Variants in MMP28 observed in about 807,000 individuals in gnomAD.
The protein encoded by MMP28 is matrix metallopeptidase 28.
In MMP28, 55 loss-of-function variants were observed where a neutral mutation model predicts 60.5. The ratio of observed to expected loss-of-function variants is 0.91; its 90% confidence interval spans 0.73 to 1.14. MMP28 has a LOEUF of 1.14. Among genes scored for constraint, MMP28 ranks in the 50% most tolerant of loss-of-function variants. The pLI, the probability that MMP28 is intolerant of heterozygous loss-of-function variation, is 0.00. For missense variants in MMP28, 686 were observed against 738.3 expected, an observed-to-expected ratio of 0.93 and a Z score of 0.82; for synonymous variants, 318 against 312.5, an observed-to-expected ratio of 1.02 and a Z score of -0.18.
chr17:35,775,060 G>A lies in MMP28; in HGVS notation c.380-1656C>T, dbSNP rs1017123366. ...CTTCACAGGCAGAAGAGGGGGTGGC[G>A]GGCAGTTTTCTCATTCTAGGCCGCC... On this transcript the variant is annotated intron_variant, in intron 3 of 7. Coordinates refer to ENST00000605424, the MANE Select transcript of MMP28 (RefSeq NM_024302.5). Among the ~76,000 whole-genome samples, 13 of 152,110 alleles carry A rather than the reference G, an allele frequency of 8.5e-5. No homozygotes were observed. The East Asian group carries it at 1.5e-3, about 18-fold the overall frequency.
chr17:35,767,485 A>C (rs1222666539), intron 7 of MMP28, among the ~76,000 whole-genome samples: 1 of 152,178 alleles, frequency 6.6e-6, no homozygotes, highest in African/African-American at 2.4e-5. Flanking sequence ...CTTTCTGCTC[A>C]GTTGCAGAAC....
downstream of MMP28, chr17:35,765,785 G>C: frequency 4.4e-6 from 4 of 918,922 alleles, no homozygotes; most frequent in Non-Finnish European, 5.2e-6. Context: ...GGATGGAAGA[G>C]CATGGCCCTG....
chr17:35,767,897 A>C lies in MMP28; in HGVS notation c.1023T>G (p.Ile341Met). The change falls in exon 7 of 8, where the codon ATT becomes ATG. Residue 341 changes from isoleucine (I) to methionine (M), a missense_variant. Coordinates refer to ENST00000605424, the MANE Select transcript of MMP28 (RefSeq NM_024302.5). Reference sequence around the variant, plus strand: ...CCTCCCAGAAATGGCTCCCTTTAAAAATGTACAGTTGCTGTTGCCTGTCTG... The same window carrying C: ...CCTCCCAGAAATGGCTCCCTTTAAACATGTACAGTTGCTGTTGCCTGTCTG... ...ITVDRQQQLY[I>M]FKGSHFWEVA... The C allele has an allele frequency of 6.2e-7, 1 of 1,600,280 alleles. No homozygotes were observed. Among genetic ancestry groups the C allele is most frequent in the Non-Finnish European group, 8.5e-7 (1 of 1,173,218 alleles).
chr17:35,767,475 C>T (rs1022073836), intron 7 of MMP28, among the ~76,000 whole-genome samples: 1 of 152,068 alleles, frequency 6.6e-6, no homozygotes, highest in Non-Finnish European at 1.5e-5. Context: ...GAAGATCCAG[C>T]TTTCTGCTCA....
At chr17:35,765,540 G>A (rs573003130), downstream of MMP28, among the ~76,000 whole-genome samples, 54 of 152,356 alleles carry the variant, frequency 3.5e-4, no homozygotes, top group Admixed American at 2.6e-3. Flanking sequence ...GGAGAATGCG[G>A]CCACTGTGAG....
chr17:35,772,532 A>T (rs2086187935), intron 4 of MMP28, among the ~76,000 whole-genome samples: 2 of 152,266 alleles, frequency 1.3e-5, no homozygotes, highest in East Asian at 1.9e-4. Flanking sequence ...AGGCCATACA[A>T]GGGCTTAAGT....
downstream of MMP28, chr17:35,764,396 A>G (rs1434774951): frequency 6.0e-6 from 9 of 1,503,522 alleles, no homozygotes; most frequent in South Asian, 6.4e-5. Flanking sequence ...GGGCTGCCCC[A>G]GGCACTGAGC....
chr17:35,778,774 C>T, intron 3 of MMP28, 114 bp downstream of exon 3: 1 of 1,588,116 alleles, frequency 6.3e-7, no homozygotes, highest in Middle Eastern at 1.7e-4. Flanking sequence ...TCCTCCCGTG[C>T]CCTAGGGAAG....
chr17:35,773,734 A>G (rs1362659119), intron 3 of MMP28, among the ~76,000 whole-genome samples: 1 of 152,194 alleles, frequency 6.6e-6, no homozygotes, highest in Non-Finnish European at 1.5e-5. Context: ...CCCTTGGTCT[A>G]GGGTCTTATT....
chr17:35,783,342 T>C (rs183528246), intron 1 of MMP28, among the ~76,000 whole-genome samples: 3 of 152,364 alleles, frequency 2.0e-5, no homozygotes, highest in South Asian at 2.1e-4. Context: ...ACTTTTGGAA[T>C]GCAATCCATC....
intron 1 of MMP28, among the ~76,000 whole-genome samples, chr17:35,791,378 A>C (rs2086810336): frequency 6.6e-6 from 1 of 151,972 alleles, no homozygotes; most frequent in Admixed American, 6.6e-5. Flanking sequence ...CTCTACAAAA[A>C]TATTTTAGAA....
intron 1 of MMP28, among the ~76,000 whole-genome samples, chr17:35,787,026 A>G (rs1313927837): frequency 6.6e-6 from 1 of 152,054 alleles, no homozygotes; most frequent in Non-Finnish European, 1.5e-5. Flanking sequence ...TAAACAAGTG[A>G]CTCAGAGGCT....
chr17:35,769,973 G>T (rs1163471361), intron 5 of MMP28, 94 bp downstream of exon 5: 4 of 1,421,902 alleles, frequency 2.8e-6, no homozygotes, highest in Non-Finnish European at 3.7e-6. Flanking sequence ...ATGAGCTTAG[G>T]ATGGGAAATC....
At chr17:35,764,442 G>T, downstream of MMP28, 1 of 1,550,372 alleles carries the variant, frequency 6.5e-7, no homozygotes. Context: ...GAGCCTCCCG[G>T]AGGAGCCGTG....
In MMP28 at chr17:35,779,058, G is replaced by A; in HGVS notation, c.209C>T (p.Ser70Phe). 1.2e-6 allele frequency: 2 copies of A among 1,614,010 alleles called. No individual in the cohort carries two copies. Among genetic ancestry groups the A allele is most frequent in the Admixed American group, 3.3e-5 (2 of 60,034 alleles). ...SDAIRAFQWV[S>F]QLPVSGVLDR... ...CAACACGCCGCTGACAGGTAGCTGG[G>A]ACACCCACTGAAACGCTCTGTCAGG... The change falls in exon 3 of 8, where the codon TCC becomes TTC. Residue 70 changes from serine (S) to phenylalanine (F), a missense_variant. Ser to Phe is a radical substitution (Grantham distance 155, BLOSUM62 -2). Transcript: ENST00000605424.
At chr17:35,764,767 A>C (rs1555602517), downstream of MMP28, 1 of 846,084 alleles carries the variant, frequency 1.2e-6, no homozygotes, top group Non-Finnish European at 1.7e-6. Context: ...CCATCCGTCA[A>C]GAAGGCCCAC....
chr17:35,791,963 G>A (rs945688450), intron 1 of MMP28, among the ~76,000 whole-genome samples: 2 of 151,970 alleles, frequency 1.3e-5, no homozygotes, highest in African/African-American at 2.4e-5. Context: ...CAACAGCCCT[G>A]AACGCTGAGC....
At chr17:35,770,737 T>C (rs188741386) in intron 4 of MMP28, among the ~76,000 whole-genome samples, 8 of 152,036 alleles carry the variant, frequency 5.3e-5, no homozygotes, top group African/African-American at 1.9e-4. Flanking sequence ...TGTGTGTGTG[T>C]GTGTGTGTAC....
chr17:35,766,604 G>T lies in MMP28; in HGVS notation c.1459C>A (p.Arg487Ser). The change falls in exon 8 of 8, where the codon CGC (arginine) becomes AGC (serine). Residue 487 changes from arginine to serine, a missense_variant. Coordinates refer to ENST00000605424, the MANE Select transcript of MMP28 (RefSeq NM_024302.5). This position sits in a 1 kb window ranked among gnomAD's most constrained non-coding sequence, Gnocchi z 4.3. The part of the protein sequence containing the change: ...IIFFRDDRYW[R>S]LDQAKLQATT... ...GCCTGCAGTTTGGCCTGGTCGAGGC[G>T]CCAGTAGCGGTCATCTCGGAAGAAG... The T allele has an allele frequency of 6.2e-7, 1 of 1,612,560 alleles. No homozygotes were observed. Among genetic ancestry groups the T allele is most frequent in the South Asian group, 1.1e-5 (1 of 91,034 alleles).
Sources: allele counts gnomAD v4.1 joint callset (sites outside exome capture counted in the v4.1 genomes callset), GRCh38; gene constraint gnomAD v4.1.1; non-coding constraint Gnocchi (gnomAD v3.1); transcripts MANE v1.5; gene names NCBI Gene and HGNC (gene_info 2026-07-23, HGNC 2026-07-21).